OSBPL1A: variants seen among roughly 807,000 people sequenced by gnomAD.
OSBPL1A encodes oxysterol-binding protein-related protein 1.
OSBPL1A carries 80 observed loss-of-function variants against 137.1 expected under a neutral mutation model. The observed-to-expected ratio is 0.58, with a 90% confidence interval of 0.49 to 0.70. The LOEUF (loss-of-function observed/expected upper bound fraction) is 0.70, where lower values mean the gene tolerates loss of function less well. OSBPL1A is among the 30% of genes least tolerant of loss of function. OSBPL1A has a pLI of 0.00. For missense variants in OSBPL1A, 970 were observed against 1,129.4 expected (o/e 0.86, Z 2.02); for synonymous variants, 365 against 389.7 (o/e 0.94, Z 0.75).
intron 1 of OSBPL1A, among the ~76,000 whole-genome samples, chr18:24,390,321 A>T (rs949263359): frequency 6.6e-6 from 1 of 152,206 alleles, no homozygotes; most frequent in African/African-American, 2.4e-5. Flanking sequence ...CCATGTTCAT[A>T]GGAGAAGTAA....
chr18:24,317,846 T>C (rs2090764943), intron 9 of OSBPL1A, among the ~76,000 whole-genome samples: 1 of 152,192 alleles, frequency 6.6e-6, no homozygotes, highest in Non-Finnish European at 1.5e-5. Flanking sequence ...TCAAGGTTAA[T>C]TCTAGAAAAC....
intron 13 of OSBPL1A, among the ~76,000 whole-genome samples, chr18:24,304,611 G>A (rs2090466098): frequency 6.6e-6 from 1 of 152,206 alleles, no homozygotes; most frequent in East Asian, 1.9e-4. Flanking sequence ...AATATATTTA[G>A]CCTTATGAAA....
intron 12 of OSBPL1A, among the ~76,000 whole-genome samples, chr18:24,313,374 G>A (rs1393624646): frequency 6.6e-6 from 1 of 150,836 alleles, no homozygotes; most frequent in East Asian, 1.9e-4. Context: ...CAGGGAGGCA[G>A]AGGTTGCAAT....
intron 14 of OSBPL1A, among the ~76,000 whole-genome samples, chr18:24,294,218 T>C (rs904554252): frequency 1.4e-5 from 2 of 140,864 alleles, no homozygotes; most frequent in Non-Finnish European, 3.1e-5. Context: ...CAATATGTGG[T>C]TGTTTTTTTT....
chr18:24,167,046 T>A (rs2086159838), intron 25 of OSBPL1A, among the ~76,000 whole-genome samples: 1 of 152,238 alleles, frequency 6.6e-6, no homozygotes, highest in East Asian at 1.9e-4. Context: ...CACCAGCTTA[T>A]ATTTAATAAG....
intron 12 of OSBPL1A, among the ~76,000 whole-genome samples, chr18:24,313,203 G>A (rs539373594): frequency 6.6e-6 from 1 of 152,064 alleles, no homozygotes; most frequent in Admixed American, 6.6e-5. Flanking sequence ...AACACTTTGG[G>A]AGGCTGAGGT....
At chr18:24,279,316 C>CT (rs2089909730) in intron 15 of OSBPL1A, among the ~76,000 whole-genome samples, 1 of 150,810 alleles carries the variant, frequency 6.6e-6, no homozygotes, top group African/African-American at 2.4e-5. Context: ...GTAGTCCCAG[C>CT]TACTTGTGAG....
intron 4 of OSBPL1A, among the ~76,000 whole-genome samples, chr18:24,343,692 A>G (rs988881735): frequency 5.9e-5 from 9 of 152,136 alleles, no homozygotes; most frequent in African/African-American, 7.2e-5. Flanking sequence ...GATTTTTGAC[A>G]TAAGTGCCAA....
chr18:24,388,362 A>G (rs1907079742), intron 1 of OSBPL1A, among the ~76,000 whole-genome samples: 1 of 152,194 alleles, frequency 6.6e-6, no homozygotes, highest in Admixed American at 6.5e-5. Context: ...GGGCGGATGG[A>G]TGAGGACTTA....
At chr18:24,374,505 A>G (rs1027756627) in intron 2 of OSBPL1A, among the ~76,000 whole-genome samples, 2 of 151,174 alleles carry the variant, frequency 1.3e-5, no homozygotes, top group African/African-American at 4.9e-5. Context: ...GCAGGAAAAG[A>G]CCCCCCCTAG....
At chr18:24,237,053 A>G (rs1442980741) in intron 16 of OSBPL1A, among the ~76,000 whole-genome samples, 1 of 151,804 alleles carries the variant, frequency 6.6e-6, no homozygotes, top group Non-Finnish European at 1.5e-5. Context: ...AAGCAAGTCC[A>G]GGGCAATTAC....
chr18:24,287,817 T>TAAAATA (rs1384551662), intron 14 of OSBPL1A, among the ~76,000 whole-genome samples: 12 of 151,790 alleles, frequency 7.9e-5, no homozygotes, highest in African/African-American at 2.2e-4. Flanking sequence ...TAAAATAAAA[T>TAAAATA]AGACTTTGGC....
chr18:24,244,166 TA>T (rs2146017415), intron 15 of OSBPL1A, among the ~76,000 whole-genome samples: 1 of 152,334 alleles, frequency 6.6e-6, no homozygotes, highest in South Asian at 2.1e-4. Flanking sequence ...AACTATGGTG[TA>T]ACAGAAACAG....
chr18:24,225,925 A>T (rs1005602572), intron 16 of OSBPL1A, among the ~76,000 whole-genome samples: 1 of 152,152 alleles, frequency 6.6e-6, no homozygotes, highest in African/African-American at 2.4e-5. Context: ...GTGAGCTATG[A>T]TCACACCACT....
chr18:24,306,287 T>A (rs1023166464), intron 13 of OSBPL1A, among the ~76,000 whole-genome samples: 21 of 152,286 alleles, frequency 1.4e-4, no homozygotes, highest in African/African-American at 5.1e-4. Flanking sequence ...TGGTTTTGTA[T>A]GAGTTAAGCT....
intron 26 of OSBPL1A, among the ~76,000 whole-genome samples, chr18:24,166,253 AC>A (rs1361518831): frequency 2.0e-5 from 3 of 152,208 alleles, no homozygotes; most frequent in Admixed American, 6.5e-5. Flanking sequence ...AGGGGAGGCC[AC>A]ACTCTCCTCT....
intron 18 of OSBPL1A, among the ~76,000 whole-genome samples, chr18:24,193,764 A>C (rs950494679): frequency 1.3e-5 from 2 of 152,182 alleles, no homozygotes; most frequent in African/African-American, 4.8e-5. Flanking sequence ...CTCTCTCTCT[A>C]TGCTTTGAAT....
In OSBPL1A at chr18:24,317,419, A is replaced by G; in HGVS notation, c.733-19T>C. ...TTGAACTCTAAGGGAAAAATAACAA[A>G]GATTTCCCAAGCTGACACATCTAGA... On this transcript the variant is annotated intron_variant, in intron 9 of 27. Transcript: ENST00000319481. 1 of 1,585,582 alleles carries G rather than the reference A, an allele frequency of 6.3e-7. No homozygotes were observed. The highest frequency in any genetic ancestry group is 1.3e-5 in the African/African-American group (1 of 74,374).
At chr18:24,181,356 C>A in intron 18 of OSBPL1A, 77 bp from the exon 19 acceptor site, 1 of 1,454,732 alleles carries the variant, frequency 6.9e-7, no homozygotes, top group Non-Finnish European at 9.4e-7. Flanking sequence ...TACATAACAT[C>A]CTCCTGGAAA....
Sources: gnomAD v4.1 joint callset for allele counts (sites outside exome capture counted in the v4.1 genomes callset) on GRCh38, gnomAD v4.1.1 for gene constraint, MANE v1.5 for transcripts, NCBI Gene and HGNC (gene_info 2026-07-23, HGNC 2026-07-21) for gene names.